Variants in PASK observed in about 807,000 individuals in gnomAD.
PASK encodes the protein PAS domain containing serine/threonine kinase.
Under a neutral mutation model 121.0 loss-of-function variants are expected in PASK, and 110 were observed. The ratio of observed to expected loss-of-function variants is 0.91; its 90% CI spans 0.78 to 1.06. The LOEUF (loss-of-function observed/expected upper bound fraction) is 1.06, where lower values mean the gene tolerates loss of function less well. Among genes scored for constraint, PASK ranks in the 50% least tolerant of loss-of-function variants. PASK has a pLI of 0.00. For synonymous variants in PASK, 686 were observed against 717.8 expected (o/e 0.96, Z 0.71); for missense variants, 1,643 against 1,702.3 (o/e 0.97, Z 0.61).
Position 241,112,268 on chromosome 2 carries a change from A to G in PASK, c.3505T>C (p.Cys1169Arg). The G allele has an allele frequency of 1.9e-6, 3 of 1,613,890 alleles. No homozygotes were observed. Among genetic ancestry groups the G allele is most frequent in the Non-Finnish European group, 2.5e-6 (3 of 1,179,824 alleles). Residue 1169 changes from cysteine to arginine, a missense_variant, in exon 15 of 18, where the codon TGT becomes CGT. Physicochemically the swap from Cys to Arg is radical, Grantham distance 180. Transcript: ENST00000234040. The surrounding 1 kb of genome is among the most constrained non-coding windows in gnomAD (Gnocchi z 5.2). ...FYTFCGTIEY[C>R]APEVLMGNPY... ...TTCCCCATGAGAACTTCCGGTGCAC[A>G]GTACTCGATGGTCCCACAAAAAGTA...
In PASK at chr2:241,112,396, T is replaced by TGAGATGAA; in HGVS notation, c.3376_3377insTTCATCTC (p.His1126LeufsTer13). 1 of 1,613,728 alleles carries TGAGATGAA rather than the reference T, an allele frequency of 6.2e-7. No homozygotes were observed. Among genetic ancestry groups the TGAGATGAA allele is most frequent in the East Asian group, 2.2e-5 (1 of 44,866 alleles). On this transcript the variant is annotated frameshift_variant, in exon 15 of 18. Transcript: ENST00000234040. LOFTEE classifies it high-confidence loss of function. The surrounding 1 kb of genome is among the most constrained non-coding windows in gnomAD (Gnocchi z 5.2). Reference sequence around the variant, plus strand: ...GATGTTCTCATCCTTGATGTCACGGTGGATGATGTCCTTCAAGCGCAGGTA... The same window carrying TGAGATGAA: ...GATGTTCTCATCCTTGATGTCACGGTGAGATGAAGGATGATGTCCTTCAAGCGCAGGTA...
upstream of PASK, chr2:241,150,312 G>T: frequency 7.5e-7 from 1 of 1,335,488 alleles, no homozygotes; most frequent in South Asian, 2.1e-5. Flanking sequence ...CTGCTCTGGG[G>T]GAGGCGCGGC....
intron 9 of PASK, among the ~76,000 whole-genome samples, chr2:241,130,057 T>C (rs2066054945): frequency 6.6e-6 from 1 of 152,168 alleles, no homozygotes; most frequent in South Asian, 2.1e-4. Flanking sequence ...ACGTAGTCCC[T>C]AAAACACAAA....
At chr2:241,147,456 A>T (rs1036411061) in intron 1 of PASK, among the ~76,000 whole-genome samples, 7 of 151,268 alleles carry the variant, frequency 4.6e-5, no homozygotes, top group Non-Finnish European at 1.0e-4. Flanking sequence ...CATCTCTACA[A>T]AAAAAAAATT....
At chr2:241,143,104 C>A (rs1351791940) in intron 1 of PASK, 30 bp from the exon 2 acceptor site, 1 of 1,120,762 alleles carries the variant, frequency 8.9e-7, no homozygotes, top group African/African-American at 1.5e-5. Flanking sequence ...TGATTAACAT[C>A]TGCAATGCAA....
chr2:241,129,414 G>A (rs953862459), intron 9 of PASK, among the ~76,000 whole-genome samples: 2 of 152,148 alleles, frequency 1.3e-5, no homozygotes, highest in African/African-American at 2.4e-5. Context: ...CACTTGCTAG[G>A]GAGACCCCAG....
chr2:241,127,628 TC>T, intron 9 of PASK, 177 bp from the exon 10 acceptor site: 1 of 657,032 alleles, frequency 1.5e-6, no homozygotes. Context: ...CTCAAATTTC[TC>T]CAAATTAAGT....
At position 241,139,872 on chromosome 2, in the gene PASK, C is replaced by T. The variant is rs1202617283; in HGVS notation, c.600+13G>A. The T allele has an allele frequency of 1.1e-5, 18 of 1,613,216 alleles. No individual in the cohort carries two copies. The highest frequency in any genetic ancestry group is 1.3e-5 in the African/African-American group (1 of 74,936). On this transcript the variant is annotated intron_variant, in intron 4 of 17. Coordinates refer to ENST00000234040, the MANE Select transcript of PASK (RefSeq NM_015148.4). ...TTGAGGCCAGACTGAACGCTGCACC[C>T]GCATCCACTCACCACCGTGCCAAAC...
intron 12 of PASK, among the ~76,000 whole-genome samples, chr2:241,117,553 G>T (rs528993441): frequency 6.6e-6 from 1 of 152,124 alleles, no homozygotes; most frequent in Non-Finnish European, 1.5e-5. Context: ...ACCAAAGAAC[G>T]GAAGCTTTAA....
intron 14 of PASK, chr2:241,113,216 A>C (rs1427958310): frequency 6.6e-6 from 1 of 152,208 alleles, no homozygotes; most frequent in Non-Finnish European, 1.5e-5. Flanking sequence ...CAACTTAGTG[A>C]CTTCATGGAT....
Position 241,122,979 on chromosome 2 carries a change from G to A in PASK, c.2905-80C>T, listed in dbSNP as rs904615892. The A allele has an allele frequency of 1.4e-5, 19 of 1,398,700 alleles. No individual in the cohort carries two copies. In the East Asian group the frequency reaches 1.6e-4, roughly 12 times the overall value. 86.6% of individuals were successfully genotyped at this position (1,398,700 alleles called of 1,614,324 possible). ...GCAGCACCCACAGTGGTCCCCCTGC[G>A]TCTTCAGCAGCCGCCCGAGGCAGGT... On this transcript the variant is annotated intron_variant, in intron 11 of 17. Coordinates refer to ENST00000234040, the MANE Select transcript of PASK (RefSeq NM_015148.4).
At chr2:241,149,621 G>A, upstream of PASK, 2 of 1,535,700 alleles carry the variant, frequency 1.3e-6, no homozygotes, top group South Asian at 1.2e-5. Context: ...ACACCCCTAC[G>A]GCGCTTCGGA....
At chr2:241,131,349 C>T (rs1026071664) in intron 9 of PASK, among the ~76,000 whole-genome samples, 6 of 152,172 alleles carry the variant, frequency 3.9e-5, no homozygotes, top group African/African-American at 1.2e-4. Flanking sequence ...GGGGTTGCAC[C>T]GTGTTAGCCA....
intron 12 of PASK, among the ~76,000 whole-genome samples, chr2:241,121,320 G>A (rs142435065): frequency 9.6e-4 from 146 of 152,268 alleles, no homozygotes; most frequent in African/African-American, 3.3e-3. Context: ...CTCTAAATGG[G>A]TGAATTATAT....
chr2:241,132,082 G>A (rs1358523449), intron 9 of PASK, among the ~76,000 whole-genome samples: 2 of 146,548 alleles, frequency 1.4e-5, no homozygotes, highest in African/African-American at 5.1e-5. Context: ...AGATTCCGAA[G>A]AAGAAAATGG....
At chr2:241,137,930 G>A (rs190269037) in intron 6 of PASK, 23 bp downstream of exon 6, 1 of 1,613,286 alleles carries the variant, frequency 6.2e-7, no homozygotes. Flanking sequence ...CCATCACACA[G>A]TGCGGGAGGT....
chr2:241,123,860 C>A, intron 11 of PASK, 89 bp downstream of exon 11: 3 of 1,121,054 alleles, frequency 2.7e-6, no homozygotes, highest in South Asian at 1.3e-5. Flanking sequence ...GTATTCCCGT[C>A]CCCAAGGAAA....
chr2:241,148,098 C>G (rs143214527), intron 1 of PASK, among the ~76,000 whole-genome samples: 170 of 152,286 alleles, frequency 1.1e-3, no homozygotes, highest in African/African-American at 3.8e-3. Context: ...CGTCCAGGCC[C>G]AAATTTTTAA....
At position 241,132,491 on chromosome 2, in the gene PASK, T is replaced by C. The variant is rs1231006748; in HGVS notation, c.1463+383A>G. ...GAGCAATGAGCTGAGATCGCACCAC[T>C]GCACTCCAGCCTGGGTGACACAGCG... On this transcript the variant is annotated intron_variant, in intron 9 of 17. Transcript: ENST00000234040. 4.3e-5 allele frequency among the ~76,000 whole-genome samples: 5 copies of C among 115,376 alleles called. No individual in the cohort carries two copies. In the South Asian group the frequency reaches 8.7e-4, roughly 20 times the overall value. 75.7% of individuals were successfully genotyped at this position (115,376 alleles called of 152,430 possible).
Sources: gnomAD v4.1 joint callset for allele counts (sites outside exome capture counted in the v4.1 genomes callset) on GRCh38, gnomAD v4.1.1 for gene constraint, Gnocchi (gnomAD v3.1) non-coding constraint, MANE v1.5 for transcripts, NCBI Gene and HGNC (gene_info 2026-07-23, HGNC 2026-07-21) for gene names.